COMMD7: variants seen among roughly 807,000 people sequenced by gnomAD.
COMMD7 encodes COMM domain containing 7, also known as COMM domain-containing protein 7.
COMMD7 carries 28 observed loss-of-function variants against 34.8 expected under a neutral mutation model. The observed-to-expected ratio is 0.80, with a 90% CI of 0.60 to 1.10. The LOEUF (loss-of-function observed/expected upper bound fraction) is 1.10, where lower values mean the gene tolerates loss of function less well. COMMD7 is among the 50% of genes least tolerant of loss of function. The pLI, the probability that COMMD7 is intolerant of heterozygous loss-of-function variation, is 0.00. For synonymous variants in COMMD7, 80 were observed against 86.4 expected (o/e 0.93, Z 0.41); for missense variants, 211 against 241.6 (o/e 0.87, Z 0.84).
At chr20:32,729,047 T>C (rs1281155843) in intron 1 of COMMD7, among the ~76,000 whole-genome samples, 1 of 152,174 alleles carries the variant, frequency 6.6e-6, no homozygotes, top group African/African-American at 2.4e-5. Flanking sequence ...AAAATTCATA[T>C]ATTGAAGCCC....
At chr20:32,709,357 G>T (rs952501228) in intron 3 of COMMD7, among the ~76,000 whole-genome samples, 3 of 151,238 alleles carry the variant, frequency 2.0e-5, no homozygotes, top group African/African-American at 7.3e-5. Flanking sequence ...GAGCAGAGAC[G>T]GCACCACTGC....
Position 32,730,222 on chromosome 20 carries a change from G to C in COMMD7, c.85-2080C>G, listed in dbSNP as rs553186913. 6.3e-5 allele frequency among the ~76,000 whole-genome samples: 8 copies of C among 126,050 alleles called. No individual in the cohort carries two copies. In the South Asian group the frequency reaches 2.0e-3, roughly 31 times the overall value. 82.7% of individuals were successfully genotyped at this position (126,050 alleles called of 152,430 possible). On this transcript the variant is annotated intron_variant, in intron 1 of 8. Transcript: ENST00000278980. ...TGTCCCTCCCTGGCCTGAGCTGACT[G>C]AGACACAGATCATTACTTTCTCATG...
At chr20:32,704,726 C>T (rs781029656) in intron 6 of COMMD7, 88 bp downstream of exon 6, 12 of 979,540 alleles carry the variant, frequency 1.2e-5, no homozygotes, top group Non-Finnish European at 1.8e-5. Flanking sequence ...GGGACTAGGT[C>T]ATGCCTTCCC....
chr20:32,725,798 C>T (rs916739648), intron 3 of COMMD7, among the ~76,000 whole-genome samples: 3 of 151,962 alleles, frequency 2.0e-5, no homozygotes, highest in African/African-American at 2.4e-5. Flanking sequence ...CACCTGTAAT[C>T]CTAACACTCT....
chr20:32,706,095 G>T (rs28570377), intron 5 of COMMD7, among the ~76,000 whole-genome samples: 1 of 151,914 alleles, frequency 6.6e-6, no homozygotes, highest in African/African-American at 2.4e-5. Flanking sequence ...CTACTTGGAA[G>T]GCTGGGGCAG....
At chr20:32,733,692 G>A (rs2145777916) in intron 1 of COMMD7, among the ~76,000 whole-genome samples, 1 of 147,664 alleles carries the variant, frequency 6.8e-6, no homozygotes, top group African/African-American at 2.5e-5. Context: ...ACTCCAACCT[G>A]GGCGACAGGG....
chr20:32,727,857 T>C (rs1387739091), intron 3 of COMMD7, 36 bp downstream of exon 3: 2 of 1,488,284 alleles, frequency 1.3e-6, no homozygotes, highest in Non-Finnish European at 1.9e-6. Flanking sequence ...TTCAAGTTAA[T>C]GTCTCTGGCC....
In COMMD7 at chr20:32,706,624, T is replaced by C; in HGVS notation, c.299-4A>G. On this transcript the variant is annotated splice_polypyrimidine_tract_variant and splice_region_variant and intron_variant, in intron 4 of 8. Coordinates refer to ENST00000278980, the MANE Select transcript of COMMD7 (RefSeq NM_053041.3). ...GTGGCTTTCTCCTCACTAAGACCTATAAGAGAACAGAAGGAGATATTAACA... is the reference window on the plus strand; with the variant it reads ...GTGGCTTTCTCCTCACTAAGACCTACAAGAGAACAGAAGGAGATATTAACA... 1.2e-6 allele frequency: 2 copies of C among 1,612,152 alleles called. No homozygotes were observed. Among genetic ancestry groups the C allele is most frequent in the Non-Finnish European group, 1.7e-6 (2 of 1,178,438 alleles).
chr20:32,723,045 A>AAATAAATAAATAAT (rs1555806267), intron 3 of COMMD7, among the ~76,000 whole-genome samples: 12 of 40,396 alleles, frequency 3.0e-4, no homozygotes, highest in African/African-American at 6.0e-4. Flanking sequence ...ATAAATAAAT[A>AAATAAATAAATAAT]AATAATAATA....
intron 3 of COMMD7, among the ~76,000 whole-genome samples, chr20:32,720,678 G>A (rs914744611): frequency 6.6e-6 from 1 of 151,928 alleles, no homozygotes; most frequent in African/African-American, 2.4e-5. Flanking sequence ...GTGTGTTGGT[G>A]CACCGTAGTC....
Position 32,728,161 on chromosome 20 carries a change from A to G in COMMD7, c.85-19T>C. Reference sequence around the variant, plus strand: ...AGAACTGCTGTGAAGAAAACAACACAGAACATCAGTACAATTTCTACTACT... The same window carrying G: ...AGAACTGCTGTGAAGAAAACAACACGGAACATCAGTACAATTTCTACTACT... On this transcript the variant is annotated intron_variant, in intron 1 of 8. Coordinates refer to ENST00000278980, the MANE Select transcript of COMMD7 (RefSeq NM_053041.3). 1 of 1,613,592 alleles carries G rather than the reference A, an allele frequency of 6.2e-7. No individual in the cohort carries two copies. The highest frequency in any genetic ancestry group is 8.5e-7 in the Non-Finnish European group (1 of 1,179,590).
At chr20:32,719,634 G>A (rs1322748486) in intron 3 of COMMD7, among the ~76,000 whole-genome samples, 1 of 151,846 alleles carries the variant, frequency 6.6e-6, no homozygotes, top group Non-Finnish European at 1.5e-5. Flanking sequence ...TGGGCAACAA[G>A]AGCAAAACTC....
intron 3 of COMMD7, among the ~76,000 whole-genome samples, chr20:32,722,227 A>AGAGTG (rs1985211693): frequency 6.9e-6 from 1 of 145,732 alleles, no homozygotes; most frequent in African/African-American, 2.6e-5. Flanking sequence ...CCTGGGTGAC[A>AGAGTG]AGAGCAAAAC....
At chr20:32,706,556 A>AT (rs1328796436) in intron 5 of COMMD7, 27 bp downstream of exon 5, 1 of 1,568,362 alleles carries the variant, frequency 6.4e-7, no homozygotes, top group Non-Finnish European at 8.8e-7. Flanking sequence ...TTAATCAGCC[A>AT]TTAACCTTGA....
intron 5 of COMMD7, among the ~76,000 whole-genome samples, 176 bp downstream of exon 5, chr20:32,706,407 G>A (rs1408848302): frequency 6.6e-6 from 1 of 151,746 alleles, no homozygotes; most frequent in Non-Finnish European, 1.5e-5. Flanking sequence ...CAGCTACTGG[G>A]GAGGCTGAGG....
chr20:32,737,733 G>A (rs1009757159), intron 1 of COMMD7, among the ~76,000 whole-genome samples: 1 of 151,704 alleles, frequency 6.6e-6, no homozygotes, highest in African/African-American at 2.4e-5. Flanking sequence ...AGCTACTCAA[G>A]AGGCTGAGGC....
chr20:32,716,337 C>CG (rs1420736715), intron 3 of COMMD7, among the ~76,000 whole-genome samples: 3 of 151,994 alleles, frequency 2.0e-5, no homozygotes, highest in Non-Finnish European at 4.4e-5. Flanking sequence ...CAGTTTGGGC[C>CG]GGGCGCAGTG....
intron 3 of COMMD7, among the ~76,000 whole-genome samples, chr20:32,726,405 A>C (rs1451838460): frequency 6.6e-6 from 1 of 152,112 alleles, no homozygotes; most frequent in Non-Finnish European, 1.5e-5. Flanking sequence ...CAAAAAAACA[A>C]ACAAAAGACT....
Position 32,728,125 on chromosome 20 carries a change from T to C in COMMD7, c.102A>G (p.Thr34=). The part of the protein sequence containing the change: ...QLGAQQFSAL[T]EVLFHFLTEP... ...CAGTTAGGAAGTGGAAAAGCACCTC[T>C]GTCAGGGCTGAGAACTGCTGTGAAG... The change falls in exon 2 of 9, where the codon ACA becomes ACG. Residue 34 remains threonine, a synonymous_variant. Transcript: ENST00000278980. 2 of 1,614,128 alleles carry C rather than the reference T, an allele frequency of 1.2e-6. No homozygotes were observed. Among genetic ancestry groups the C allele is most frequent in the Non-Finnish European group, 1.7e-6 (2 of 1,180,026 alleles).
Sources: allele counts gnomAD v4.1 joint callset (sites outside exome capture counted in the v4.1 genomes callset), GRCh38; gene constraint gnomAD v4.1.1; transcripts MANE v1.5; gene names NCBI Gene and HGNC (gene_info 2026-07-23, HGNC 2026-07-21).